The following TMEM26 variants were observed in gnomAD, a reference collection of about 807,000 sequenced individuals.
The protein encoded by TMEM26 is transmembrane protein 26.
A neutral mutation model predicts 28.8 loss-of-function variants in TMEM26; 38 were observed. The observed-to-expected ratio is 1.32, with a 90% CI of 1.02 to 1.73. The LOEUF is 1.73. Ranked by LOEUF, TMEM26 falls within the 40% of genes most tolerant of loss-of-function variation. TMEM26 has a pLI of 0.00. For synonymous variants in TMEM26, 227 were observed against 182.9 expected (o/e 1.24, Z -1.95); for missense variants, 518 against 447.1 (o/e 1.16, Z -1.43).
intron 1 of TMEM26, 95 bp downstream of exon 1, chr10:61,452,796 T>A: frequency 1.4e-6 from 2 of 1,430,594 alleles, no homozygotes; most frequent in Non-Finnish European, 1.9e-6. Flanking sequence ...CAAATTCGAG[T>A]AGAATCTGCG....
Position 61,453,330 on chromosome 10 carries a change from A to T in TMEM26, c.-249T>A. ...GCTTTTCCAGACTGCTGGGTTTTCC[A>T]GGGAGTCTGGGGCTGCGCTGCCCTG... On this transcript the variant is annotated 5_prime_UTR_variant, in exon 1 of 6. Transcript: ENST00000399298. 1 of 475,484 alleles carries T rather than the reference A, an allele frequency of 2.1e-6. No individual in the cohort carries two copies. Among genetic ancestry groups the T allele is most frequent in the Non-Finnish European group, 3.8e-6 (1 of 260,234 alleles). 29.5% of individuals were successfully genotyped at this position (475,484 alleles called of 1,614,324 possible). A position where few individuals can be genotyped will look rare whatever the true frequency, so the allele number is the denominator to read the frequency against.
chr10:61,435,048 T>C (rs1839981352), intron 2 of TMEM26, among the ~76,000 whole-genome samples: 2 of 152,216 alleles, frequency 1.3e-5, no homozygotes, highest in Admixed American at 1.3e-4. Flanking sequence ...CTTTAGAAAC[T>C]TGGCCTCCCC....
chr10:61,418,161 C>T (rs578135531), intron 4 of TMEM26, among the ~76,000 whole-genome samples: 15 of 152,082 alleles, frequency 9.9e-5, no homozygotes, highest in African/African-American at 3.4e-4. Context: ...TTAAACTCAA[C>T]TCTGCTAAAA....
intron 1 of TMEM26, among the ~76,000 whole-genome samples, chr10:61,445,365 C>T (rs1589044946): frequency 1.3e-5 from 2 of 152,198 alleles, no homozygotes; most frequent in East Asian, 3.8e-4. Flanking sequence ...ACCCCACCCC[C>T]TCTTCCAGGG....
intron 4 of TMEM26, among the ~76,000 whole-genome samples, chr10:61,416,593 T>G (rs1327359211): frequency 6.6e-6 from 1 of 152,038 alleles, no homozygotes; most frequent in Admixed American, 6.6e-5. Flanking sequence ...TATTTTTGGT[T>G]TCATGTCACC....
rs1054934231 is a variant in TMEM26, at chr10:61,433,303, T to C, written c.271-1971A>G. ...CTACATTGGGACTGCAGTGAACAAG[T>C]GACTTCACTCTTAAAACCTAGCCTG... is the stretch of plus-strand genomic sequence containing the variant. On this transcript the variant is annotated intron_variant, in intron 2 of 5. Transcript: ENST00000399298. Among the ~76,000 whole-genome samples the C allele has an allele frequency of 2.6e-5, 4 of 152,168 alleles. No homozygotes were observed. The East Asian group carries it at 7.7e-4, about 29-fold the overall frequency.
At chr10:61,443,921 ACTAT>A (rs1286330144) in intron 1 of TMEM26, among the ~76,000 whole-genome samples, 6 of 152,236 alleles carry the variant, frequency 3.9e-5, no homozygotes, top group Non-Finnish European at 4.4e-5. Context: ...GGATCTACAT[ACTAT>A]CTTTCTCATA....
intron 3 of TMEM26, 71 bp from the exon 4 acceptor site, chr10:61,429,217 T>C: frequency 7.6e-7 from 1 of 1,311,120 alleles, no homozygotes; most frequent in East Asian, 2.3e-5. Flanking sequence ...TTCCTCACTG[T>C]GCTTTCAATC....
At chr10:61,419,391 C>T (rs1052359152) in intron 4 of TMEM26, among the ~76,000 whole-genome samples, 2 of 151,810 alleles carry the variant, frequency 1.3e-5, no homozygotes, top group Non-Finnish European at 2.9e-5. Context: ...TAAATAGGTT[C>T]AAAGAATGAA....
At chr10:61,446,559 G>A (rs1350624306) in intron 1 of TMEM26, among the ~76,000 whole-genome samples, 2 of 151,864 alleles carry the variant, frequency 1.3e-5, no homozygotes, top group Admixed American at 6.6e-5. Flanking sequence ...GATGGCTCAC[G>A]CCTGTAATCC....
In TMEM26 at chr10:61,410,108, G is replaced by A; in HGVS notation, c.*214C>T. The A allele has an allele frequency of 1.7e-6, 1 of 584,022 alleles. No individual in the cohort carries two copies. 36.2% of individuals were successfully genotyped at this position (584,022 alleles called of 1,614,324 possible). ...TAGTCGTTGAACAACTATAACATCTGATACCATCACACAGAAGTTGTAGCA... is the reference window on the plus strand; with the variant it reads ...TAGTCGTTGAACAACTATAACATCTAATACCATCACACAGAAGTTGTAGCA... On this transcript the variant is annotated 3_prime_UTR_variant, in exon 6 of 6. Coordinates refer to ENST00000399298, the MANE Select transcript of TMEM26 (RefSeq NM_178505.8).
chr10:61,411,392 G>T (rs1300992306), intron 5 of TMEM26, among the ~76,000 whole-genome samples: 6 of 152,166 alleles, frequency 3.9e-5, no homozygotes, highest in Non-Finnish European at 5.9e-5. Flanking sequence ...TTGCTTGAAT[G>T]ATAAGCTTAA....
intron 2 of TMEM26, 76 bp downstream of exon 2, chr10:61,436,094 C>T (rs1026442515): frequency 5.3e-6 from 5 of 948,080 alleles, no homozygotes; most frequent in South Asian, 1.7e-5. Flanking sequence ...AAGTGCATTC[C>T]GAAAATAAAC....
At chr10:61,448,425 G>C (rs117467746) in intron 1 of TMEM26, among the ~76,000 whole-genome samples, 1 of 152,140 alleles carries the variant, frequency 6.6e-6, no homozygotes, top group Non-Finnish European at 1.5e-5. Flanking sequence ...ATCTAAAAAC[G>C]GGAGAAAACA....
At position 61,410,302 on chromosome 10, in the gene TMEM26, A is replaced by T; in HGVS notation, c.*20T>A. ...AACCAGGGAGTCAGGTTCTAGCCGC[A>T]GACCACTGTCAATCAATAACTAAGG... On this transcript the variant is annotated 3_prime_UTR_variant, in exon 6 of 6. Transcript: ENST00000399298. The T allele has an allele frequency of 6.3e-7, 1 of 1,587,138 alleles. No homozygotes were observed. Among genetic ancestry groups the T allele is most frequent in the Non-Finnish European group, 8.6e-7 (1 of 1,164,076 alleles).
Position 61,453,215 on chromosome 10 carries a change from T to A in TMEM26, c.-134A>T, listed in dbSNP as rs1840323683. 1 of 902,420 alleles carries A rather than the reference T, an allele frequency of 1.1e-6. No homozygotes were observed. The highest frequency in any genetic ancestry group is 1.6e-6 in the Non-Finnish European group (1 of 607,034). 55.9% of individuals were successfully genotyped at this position (902,420 alleles called of 1,614,324 possible). The stretch of plus-strand genomic sequence containing the variant: ...TGCTGCTTGTGGTCCCTTCTCACCC[T>A]CAGCGCCCGATGCCGGTAGAACTGG... On this transcript the variant is annotated 5_prime_UTR_variant, in exon 1 of 6. Transcript: ENST00000399298.
rs1173583703 is a variant in TMEM26, at chr10:61,406,679, A to T, written c.*3643T>A. 1 of 152,118 alleles carries T rather than the reference A, an allele frequency of 6.6e-6. No homozygotes were observed. The highest frequency in any genetic ancestry group is 1.5e-5 in the Non-Finnish European group (1 of 67,988). The allele number at this position is 152,118 out of a possible 1,614,324, so 9.4% of individuals were successfully genotyped here. A position where few individuals can be genotyped will look rare whatever the true frequency, so the allele number is the denominator to read the frequency against. Reference sequence around the variant, plus strand: ...CACACTATTTAATGCATATAATAAAATACAAAGGCCACTCATAGCAAAATA... The same window carrying T: ...CACACTATTTAATGCATATAATAAATTACAAAGGCCACTCATAGCAAAATA... On this transcript the variant is annotated 3_prime_UTR_variant, in exon 6 of 6. Transcript: ENST00000399298.
chr10:61,437,199 T>C (rs968027422), intron 1 of TMEM26, among the ~76,000 whole-genome samples: 6 of 152,182 alleles, frequency 3.9e-5, no homozygotes, highest in Non-Finnish European at 4.4e-5. Context: ...CCAGTTTTAT[T>C]GGATTGGGAC....
chr10:61,415,669 T>C (rs552920483), intron 4 of TMEM26, among the ~76,000 whole-genome samples: 2 of 152,058 alleles, frequency 1.3e-5, no homozygotes, highest in Non-Finnish European at 2.9e-5. Flanking sequence ...ATTTACTCCT[T>C]TGGACATTAC....
Sources: allele counts gnomAD v4.1 joint callset (sites outside exome capture counted in the v4.1 genomes callset), GRCh38; gene constraint gnomAD v4.1.1; transcripts MANE v1.5; gene names NCBI Gene and HGNC (gene_info 2026-07-23, HGNC 2026-07-21).